DLGAP1: variants seen among roughly 807,000 people sequenced by gnomAD.
The protein encoded by DLGAP1 is disks large-associated protein 1.
DLGAP1 carries 11 observed loss-of-function variants against 90.8 expected under a neutral mutation model. The ratio of observed to expected loss-of-function variants is 0.12; its 90% CI spans 0.08 to 0.20. DLGAP1 has a LOEUF of 0.20. Among genes scored for constraint, DLGAP1 ranks in the 10% least tolerant of loss-of-function variants. The pLI, the probability that DLGAP1 is intolerant of heterozygous loss-of-function variation, is 1.00. For missense variants in DLGAP1, 1,050 were observed against 1,333.8 expected (o/e 0.79, Z 3.31); for synonymous variants, 558 against 540.7 (o/e 1.03, Z -0.44).
intron 1 of DLGAP1, among the ~76,000 whole-genome samples, chr18:4,276,316 T>C (rs865783231): frequency 6.6e-6 from 1 of 152,040 alleles, no homozygotes; most frequent in South Asian, 2.1e-4. Flanking sequence ...CTTTTTAGAA[T>C]TTCTGTTTAT....
chr18:4,145,333 T>G (rs1211995253), intron 2 of DLGAP1, among the ~76,000 whole-genome samples: 1 of 152,230 alleles, frequency 6.6e-6, no homozygotes, highest in African/African-American at 2.4e-5. Context: ...TCTAAATTAT[T>G]TCTGACATAA....
At chr18:3,522,701 C>G (rs2051292141) in intron 10 of DLGAP1, among the ~76,000 whole-genome samples, 1 of 151,718 alleles carries the variant, frequency 6.6e-6, no homozygotes, top group South Asian at 2.1e-4. Flanking sequence ...CACCACCACT[C>G]CTGGCTATTT....
At chr18:4,386,869 G>GA (rs2082239285) in intron 1 of DLGAP1, among the ~76,000 whole-genome samples, 1 of 152,184 alleles carries the variant, frequency 6.6e-6, no homozygotes, top group Non-Finnish European at 1.5e-5. Context: ...GGCAAAGAAA[G>GA]AAAGATAGGA....
intron 1 of DLGAP1, among the ~76,000 whole-genome samples, chr18:4,323,303 C>A (rs982639513): frequency 9.2e-5 from 14 of 152,060 alleles, no homozygotes; most frequent in African/African-American, 2.9e-4. Flanking sequence ...TGAGAAATAA[C>A]ATGAAGAAAA....
At chr18:4,150,850 A>C (rs2076664026) in intron 2 of DLGAP1, among the ~76,000 whole-genome samples, 1 of 152,212 alleles carries the variant, frequency 6.6e-6, no homozygotes, top group African/African-American at 2.4e-5. Context: ...CCATAATTTC[A>C]TACCTAACCT....
intron 1 of DLGAP1, among the ~76,000 whole-genome samples, chr18:4,437,204 G>A (rs766551579): frequency 2.0e-4 from 30 of 152,178 alleles, no homozygotes; most frequent in Non-Finnish European, 3.5e-4. Flanking sequence ...GATTTTTAAT[G>A]CAACTTTAGA....
In DLGAP1 at chr18:3,816,234, C is replaced by T. The variant is rs932218302; in HGVS notation, c.958-1961G>A. Among the ~76,000 whole-genome samples, 12 of 152,092 alleles carry T rather than the reference C, an allele frequency of 7.9e-5. 1 individual carries two copies. Among genetic ancestry groups the T allele is most frequent in the South Asian group, 2.1e-4 (1 of 4,818 alleles). ...CAGCTAAAACGGCAGCACTAGGGTT[C>T]GAGGTGTTTAACTCCTAAGATCAAA... On this transcript the variant is annotated intron_variant, in intron 4 of 12. Coordinates refer to ENST00000315677, the MANE Select transcript of DLGAP1 (RefSeq NM_004746.4).
chr18:4,012,268 T>C (rs954329519), intron 2 of DLGAP1, among the ~76,000 whole-genome samples: 24 of 152,216 alleles, frequency 1.6e-4, no homozygotes, highest in African/African-American at 5.5e-4. Flanking sequence ...TGTCTACGCA[T>C]AGCACAGACT....
chr18:3,510,348 T>C (rs1273289508), intron 10 of DLGAP1, among the ~76,000 whole-genome samples: 2 of 152,262 alleles, frequency 1.3e-5, no homozygotes, highest in African/African-American at 2.4e-5. Context: ...TACTTAATAA[T>C]TATTTGTTAT....
intron 2 of DLGAP1, among the ~76,000 whole-genome samples, chr18:4,014,200 C>T (rs2074481183): frequency 6.6e-6 from 1 of 151,776 alleles, no homozygotes; most frequent in Non-Finnish European, 1.5e-5. Context: ...ATACTCCTGC[C>T]TCAGCCTCCC....
intron 1 of DLGAP1, chr18:4,294,318 C>T (rs971612771): frequency 6.6e-6 from 1 of 152,220 alleles, no homozygotes; most frequent in Non-Finnish European, 1.5e-5. Context: ...CCAATGTCAC[C>T]ACCTCCTTGA....
At chr18:3,673,919 T>C (rs994600051) in intron 7 of DLGAP1, among the ~76,000 whole-genome samples, 4 of 150,860 alleles carry the variant, frequency 2.7e-5, no homozygotes, top group Admixed American at 1.3e-4. Flanking sequence ...CTCAGCTCAC[T>C]GCGACCTCCG....
intron 1 of DLGAP1, among the ~76,000 whole-genome samples, chr18:4,247,752 G>A (rs778711092): frequency 2.0e-5 from 3 of 152,022 alleles, no homozygotes; most frequent in Non-Finnish European, 2.9e-5. Context: ...ACTCCAGCCC[G>A]GGTGACAGAG....
chr18:4,082,222 A>T lies in DLGAP1; in HGVS notation c.-159+68958T>A, dbSNP rs564839911. On this transcript the variant is annotated intron_variant, in intron 2 of 12. Coordinates refer to ENST00000315677, the MANE Select transcript of DLGAP1 (RefSeq NM_004746.4). Reference sequence around the variant, plus strand: ...CTGGGCGTGGCAGTGTATGCCTGTAATCCCAGTTACTTGGGAGGCTGAGGC... The same window carrying T: ...CTGGGCGTGGCAGTGTATGCCTGTATTCCCAGTTACTTGGGAGGCTGAGGC... 2.0e-5 allele frequency among the ~76,000 whole-genome samples: 3 copies of T among 151,788 alleles called. No individual in the cohort carries two copies. The East Asian group carries it at 5.9e-4, about 30-fold the overall frequency.
chr18:3,996,202 T>A (rs1015287221), intron 3 of DLGAP1, among the ~76,000 whole-genome samples: 1 of 152,164 alleles, frequency 6.6e-6, no homozygotes, highest in Non-Finnish European at 1.5e-5. Context: ...TGAAAAATAT[T>A]TTAAACAAGT....
chr18:3,669,967 C>T (rs548568007), intron 7 of DLGAP1, among the ~76,000 whole-genome samples: 4 of 152,268 alleles, frequency 2.6e-5, no homozygotes, highest in South Asian at 2.1e-4. Flanking sequence ...TACAGCCTGC[C>T]TGTTTGTATG....
chr18:4,313,481 C>A (rs111618775), intron 1 of DLGAP1, among the ~76,000 whole-genome samples: 1,676 of 152,150 alleles, frequency 0.011, 13 homozygotes, highest in Non-Finnish European at 0.016. Flanking sequence ...CTTAAAACTG[C>A]CTTTAAATGC....
Position 3,880,130 on chromosome 18 carries a change from T to C in DLGAP1, c.-62A>G, listed in dbSNP as rs758031450. On this transcript the variant is annotated 5_prime_UTR_variant, in exon 4 of 13. Transcript: ENST00000315677. ...CGGAAGTCAGGCTCCAGACCCGTCT[T>C]GGGCAGGGATCTGGGGGAATGAAGA... 6.1e-5 allele frequency: 91 copies of C among 1,492,040 alleles called. No individual in the cohort carries two copies. Among genetic ancestry groups the C allele is most frequent in the Non-Finnish European group, 8.2e-5 (89 of 1,087,462 alleles). The allele number at this position is 1,492,040 out of a possible 1,614,324, so 92.4% of individuals were successfully genotyped here.
chr18:4,111,078 G>T (rs11081096), intron 2 of DLGAP1, among the ~76,000 whole-genome samples: 74,228 of 151,802 alleles, frequency 0.49, 19,185 homozygotes, highest in African/African-American at 0.67. Context: ...ATCAAGTGGA[G>T]GAAGCTGCCT....
Sources: allele counts gnomAD v4.1 joint callset (sites outside exome capture counted in the v4.1 genomes callset), GRCh38; gene constraint gnomAD v4.1.1; transcripts MANE v1.5; gene names NCBI Gene and HGNC (gene_info 2026-07-23, HGNC 2026-07-21).